GSE1: variants seen among roughly 807,000 people sequenced by gnomAD.
GSE1 encodes genetic suppressor element 1.
In GSE1, 32 loss-of-function variants were observed where a neutral mutation model predicts 112.6. The observed-to-expected ratio is 0.28, with a 90% CI of 0.21 to 0.38. GSE1 has a LOEUF of 0.38. Ranked by LOEUF, GSE1 falls within the 10% of genes least tolerant of loss-of-function variation. The pLI is 1.00. For missense variants in GSE1, 2,348 were observed against 1,699.2 expected (o/e 1.38, Z -6.71); for synonymous variants, 1,115 against 735.6 (o/e 1.52, Z -8.35).
At chr16:85,309,144 C>T (rs1201575031) in intron 1 of GSE1, among the ~76,000 whole-genome samples, 4 of 151,764 alleles carry the variant, frequency 2.6e-5, no homozygotes, top group African/African-American at 4.8e-5. Context: ...ACCCAGGCCG[C>T]CCACAGGAAA....
upstream of GSE1, among the ~76,000 whole-genome samples, chr16:85,612,131 G>T (rs1355848436): frequency 1.3e-5 from 2 of 151,900 alleles, no homozygotes; most frequent in Non-Finnish European, 2.9e-5. Flanking sequence ...GCCCGGGGGG[G>T]TTACAGCCCA....
At position 85,634,010 on chromosome 16, in the gene GSE1, A is replaced by G. The variant is rs148537143; in HGVS notation, c.104A>G (p.Asn35Ser). The G allele has an allele frequency of 3.1e-4, 504 of 1,612,004 alleles. No individual in the cohort carries two copies. Among genetic ancestry groups the G allele is most frequent in the Non-Finnish European group, 3.8e-4 (454 of 1,179,390 alleles). Residue 35 changes from asparagine (N) to serine (S), a missense_variant, in exon 2 of 16, where the codon AAT (asparagine) becomes AGT (serine). Transcript: ENST00000253458. ...TVNPLTPSPL[N>S]GALVPSGSPA... ...AACCCCCTCACCCCCTCGCCGCTCAATGGCGCCCTGGTGCCCAGCGGCAGC... is the reference window on the plus strand; with the variant it reads ...AACCCCCTCACCCCCTCGCCGCTCAGTGGCGCCCTGGTGCCCAGCGGCAGC...
At chr16:85,555,282 C>T (rs1228939557), upstream of GSE1, 9 of 985,252 alleles carry the variant, frequency 9.1e-6, no homozygotes, top group African/African-American at 8.7e-5. Context: ...CCGCTCTCCT[C>T]CTGCCTCCTT....
intron 1 of GSE1, among the ~76,000 whole-genome samples, chr16:85,243,694 G>A (rs1567634112): frequency 1.3e-5 from 2 of 152,258 alleles, no homozygotes; most frequent in East Asian, 1.9e-4. Context: ...TGGCAGGTGA[G>A]CATGTGTGTG....
chr16:85,302,694 T>A (rs1458072988), intron 1 of GSE1, among the ~76,000 whole-genome samples: 2 of 152,164 alleles, frequency 1.3e-5, no homozygotes, highest in African/African-American at 4.8e-5. Context: ...GAATCTGCAT[T>A]TTCACAAGCA....
chr16:85,526,702 A>G (rs2052375470), intron 2 of GSE1, among the ~76,000 whole-genome samples: 1 of 152,154 alleles, frequency 6.6e-6, no homozygotes, highest in Admixed American at 6.6e-5. Flanking sequence ...GCTGCCTGTG[A>G]CTGCATAAGA....
At chr16:85,331,393 G>GTATATATATA (rs1266307216) in intron 1 of GSE1, among the ~76,000 whole-genome samples, 2 of 91,520 alleles carry the variant, frequency 2.2e-5, no homozygotes, top group African/African-American at 3.7e-5. Flanking sequence ...GTATATATAT[G>GTATATATATA]TGTATATATG....
intron 1 of GSE1, among the ~76,000 whole-genome samples, chr16:85,563,994 C>A (rs984954758): frequency 8.5e-5 from 13 of 152,258 alleles, no homozygotes; most frequent in Admixed American, 7.8e-4. Context: ...TCCCGTCAGG[C>A]CCCCTGTGAG....
intron 2 of GSE1, 89 bp from the exon 3 acceptor site, chr16:85,648,463 G>A (rs1486950051): frequency 3.0e-6 from 2 of 671,938 alleles, no homozygotes; most frequent in African/African-American, 1.8e-5. Context: ...ACTTGGAGCA[G>A]GGGGGCAGCT....
chr16:85,361,328 AACACAC>A (rs5818530), intron 2 of GSE1, among the ~76,000 whole-genome samples: 3 of 95,298 alleles, frequency 3.1e-5, no homozygotes, highest in Non-Finnish European at 6.6e-5. Context: ...CCCACACACA[AACACAC>A]ACACACACAC....
chr16:85,196,795 T>C (rs1272422366), intron 1 of GSE1, among the ~76,000 whole-genome samples: 1 of 152,084 alleles, frequency 6.6e-6, no homozygotes, highest in East Asian at 1.9e-4. Flanking sequence ...CGGGGGGGCC[T>C]GCCGGAATTT....
chr16:85,339,083 C>T (rs141115096), intron 1 of GSE1, among the ~76,000 whole-genome samples: 1 of 152,164 alleles, frequency 6.6e-6, no homozygotes, highest in Non-Finnish European at 1.5e-5. Flanking sequence ...CAACCCTGCT[C>T]TCTTCCCCTG....
chr16:85,381,080 A>G (rs2047536456), intron 2 of GSE1, among the ~76,000 whole-genome samples: 1 of 152,212 alleles, frequency 6.6e-6, no homozygotes, highest in Non-Finnish European at 1.5e-5. Context: ...AGGAAATCCC[A>G]GACGCATTAG....
intron 1 of GSE1, among the ~76,000 whole-genome samples, chr16:85,588,753 C>T (rs1178788877): frequency 6.6e-6 from 1 of 152,178 alleles, no homozygotes; most frequent in Non-Finnish European, 1.5e-5. Context: ...GGAGCACTTT[C>T]CTGGAGGGAG....
chr16:85,545,337 C>T (rs2044658961), intron 2 of GSE1, among the ~76,000 whole-genome samples: 1 of 152,238 alleles, frequency 6.6e-6, no homozygotes, highest in South Asian at 2.1e-4. Context: ...TGGCAGCTTG[C>T]TCCAGGGGCA....
At chr16:85,547,004 G>T (rs568304499) in intron 2 of GSE1, among the ~76,000 whole-genome samples, 1 of 152,304 alleles carries the variant, frequency 6.6e-6, no homozygotes, top group Admixed American at 6.5e-5. Flanking sequence ...ATGAGACGGC[G>T]GGCAGGTCCC....
intron 1 of GSE1, among the ~76,000 whole-genome samples, chr16:85,221,712 G>A (rs571266963): frequency 3.9e-5 from 6 of 152,192 alleles, no homozygotes; most frequent in Non-Finnish European, 7.4e-5. Flanking sequence ...AGCCCTTTAA[G>A]CCCAGAGCCA....
At chr16:85,246,310 T>TACACAC (rs779606538) in intron 1 of GSE1, among the ~76,000 whole-genome samples, 235 of 21,704 alleles carry the variant, frequency 0.011, 4 homozygotes, top group African/African-American at 0.039. Context: ...ACACGCTGTC[T>TACACAC]ACACACACAC....
intron 2 of GSE1, among the ~76,000 whole-genome samples, chr16:85,536,985 C>G (rs1309980105): frequency 2.6e-5 from 4 of 152,200 alleles, no homozygotes; most frequent in Admixed American, 6.5e-5. Context: ...GGTCATTGAG[C>G]CTTCCGGCCA....
Sources: allele counts gnomAD v4.1 joint callset (sites outside exome capture counted in the v4.1 genomes callset), GRCh38; gene constraint gnomAD v4.1.1; transcripts MANE v1.5; gene names NCBI Gene and HGNC (gene_info 2026-07-23, HGNC 2026-07-21).